The following PIK3R3 variants were observed in gnomAD, a reference collection of about 807,000 sequenced individuals.
PIK3R3 encodes the protein phosphatidylinositol 3-kinase regulatory subunit gamma.
In PIK3R3, 64 loss-of-function variants were observed where a neutral mutation model predicts 62.9. The ratio of observed to expected loss-of-function variants is 1.02; its 90% confidence interval spans 0.83 to 1.25. The LOEUF (loss-of-function observed/expected upper bound fraction) is 1.25, where lower values mean the gene tolerates loss of function less well. PIK3R3 is among the 50% of genes most tolerant of loss of function. The pLI is 0.00. For missense variants in PIK3R3, 614 were observed against 561.6 expected, an observed-to-expected ratio of 1.09 and a Z score of -0.94; for synonymous variants, 165 against 189.0, an observed-to-expected ratio of 0.87 and a Z score of 1.04.
intron 7 of PIK3R3, among the ~76,000 whole-genome samples, chr1:46,052,248 G>A (rs904224416): frequency 6.6e-6 from 1 of 152,132 alleles, no homozygotes; most frequent in Non-Finnish European, 1.5e-5. Flanking sequence ...TTATTGTGCT[G>A]TATTCACCTA....
chr1:46,130,258 TTAACCTTACTTTTTACAATAAAAG>T (rs1655461734), intron 1 of PIK3R3, among the ~76,000 whole-genome samples: 2 of 152,226 alleles, frequency 1.3e-5, no homozygotes, highest in Non-Finnish European at 2.9e-5. Flanking sequence ...TCTAGAATTA[TTAACCTTACTTTTTACAATAAAAG>T]TACCAGTGAT....
At position 46,043,459 on chromosome 1, in the gene PIK3R3, G is replaced by A. The variant is rs994269715; in HGVS notation, c.*214C>T. On this transcript the variant is annotated 3_prime_UTR_variant, in exon 10 of 10. Coordinates refer to ENST00000262741, the MANE Select transcript of PIK3R3 (RefSeq NM_003629.4). ...AAAAAAAACATCTGCTTCCAGCTTAGTATGTCAGTGCAGCGGCATGGCTGA... is the reference window on the plus strand; with the variant it reads ...AAAAAAAACATCTGCTTCCAGCTTAATATGTCAGTGCAGCGGCATGGCTGA... 5.3e-6 allele frequency: 3 copies of A among 563,066 alleles called. No homozygotes were observed. The highest frequency in any genetic ancestry group is 1.9e-5 in the African/African-American group (1 of 53,242). The allele number at this position is 563,066 out of a possible 1,614,324, so 34.9% of individuals were successfully genotyped here.
At chr1:46,159,562 T>G in the PIK3R3 span, among the ~76,000 whole-genome samples, 1 of 152,118 alleles carries the variant, frequency 6.6e-6, no homozygotes, top group African/African-American at 2.4e-5. Context: ...TTCCCAAAGA[T>G]TCCCCAAAAT....
intron 1 of PIK3R3, among the ~76,000 whole-genome samples, chr1:46,119,618 GTTACT>G (rs1231002651): frequency 2.6e-5 from 4 of 151,934 alleles, no homozygotes; most frequent in African/African-American, 4.8e-5. Context: ...TAATCTACAG[GTTACT>G]TTAAAGTAGT....
At chr1:46,067,713 C>A (rs1181455451) in intron 3 of PIK3R3, among the ~76,000 whole-genome samples, 1 of 152,180 alleles carries the variant, frequency 6.6e-6, no homozygotes, top group Non-Finnish European at 1.5e-5. Flanking sequence ...TCAGAAATGA[C>A]TGTTCAGGCA....
At chr1:46,061,663 G>A (rs1327611915) in intron 6 of PIK3R3, among the ~76,000 whole-genome samples, 1 of 152,148 alleles carries the variant, frequency 6.6e-6, no homozygotes, top group Non-Finnish European at 1.5e-5. Flanking sequence ...CCCTAAATTG[G>A]TCTCCGGAAT....
upstream of PIK3R3, among the ~76,000 whole-genome samples, chr1:46,135,238 A>G (rs572824243): frequency 3.3e-5 from 5 of 152,300 alleles, no homozygotes; most frequent in South Asian, 1.0e-3. Flanking sequence ...TTGGAGAATT[A>G]TATTTGACCT....
At chr1:46,124,516 G>T (rs192691376) in intron 1 of PIK3R3, among the ~76,000 whole-genome samples, 57 of 152,322 alleles carry the variant, frequency 3.7e-4, no homozygotes, top group Admixed American at 2.5e-3. Context: ...TTCATGATCA[G>T]CTGGGTGCAG....
chr1:46,148,416 C>G, the PIK3R3 span, among the ~76,000 whole-genome samples: 3 of 152,204 alleles, frequency 2.0e-5, no homozygotes, highest in Non-Finnish European at 2.9e-5. Flanking sequence ...TCAGGCAGTT[C>G]CAGGGTTACA....
chr1:46,144,169 C>A, the PIK3R3 span, among the ~76,000 whole-genome samples: 75 of 152,284 alleles, frequency 4.9e-4, no homozygotes, highest in Non-Finnish European at 8.7e-4. Flanking sequence ...AACACGGAAT[C>A]AATCTCTGGA....
In PIK3R3 at chr1:46,042,056, C is replaced by CTG. The variant is rs1487796803; in HGVS notation, c.*1615_*1616dup. On this transcript the variant is annotated 3_prime_UTR_variant, in exon 10 of 10. Coordinates refer to ENST00000262741, the MANE Select transcript of PIK3R3 (RefSeq NM_003629.4). The surrounding 1 kb of genome is among the most constrained non-coding windows in gnomAD (Gnocchi z 4.3). Reference sequence around the variant, plus strand: ...GGCTTCTCTAGCTCAGCCAGGGTGCCTGACTGCACAGCTTTGGGTTCAAAC... The same window carrying CTG: ...GGCTTCTCTAGCTCAGCCAGGGTGCCTGTGACTGCACAGCTTTGGGTTCAAAC... 6 of 222,940 alleles carry CTG rather than the reference C, an allele frequency of 2.7e-5. No homozygotes were observed. The highest frequency in any genetic ancestry group is 5.4e-5 in the Non-Finnish European group (6 of 111,622). The allele number at this position is 222,940 out of a possible 1,614,324, so 13.8% of individuals were successfully genotyped here.
At chr1:46,083,389 T>G (rs939710200) in intron 1 of PIK3R3, among the ~76,000 whole-genome samples, 1 of 152,046 alleles carries the variant, frequency 6.6e-6, no homozygotes, top group Non-Finnish European at 1.5e-5. Context: ...AAGAAAAAAA[T>G]AGATTAACTG....
At chr1:46,053,635 C>T (rs989363848) in intron 7 of PIK3R3, among the ~76,000 whole-genome samples, 6 of 152,128 alleles carry the variant, frequency 3.9e-5, no homozygotes, top group African/African-American at 1.4e-4. Context: ...CACCCCTCAC[C>T]AGACACCAAA....
At chr1:46,052,353 A>G (rs1020476420) in intron 7 of PIK3R3, among the ~76,000 whole-genome samples, 1 of 152,190 alleles carries the variant, frequency 6.6e-6, no homozygotes, top group South Asian at 2.1e-4. Flanking sequence ...ATACCAAAAA[A>G]GGTAAATGGT....
rs1647121087 is a variant in PIK3R3, at chr1:46,046,520, C to T, written c.1016+31G>A. ...GCATGTCTTATATTGATAACAAAGC[C>T]CTCTGACAGAAAGGTATAGAGAGAA... On this transcript the variant is annotated intron_variant, in intron 8 of 9. Transcript: ENST00000262741. 5.6e-6 allele frequency: 8 copies of T among 1,419,462 alleles called. No individual in the cohort carries two copies. The East Asian group carries it at 1.6e-4, about 28-fold the overall frequency. 87.9% of individuals were successfully genotyped at this position (1,419,462 alleles called of 1,614,324 possible). A position where few individuals can be genotyped will look rare whatever the true frequency, so the allele number is the denominator to read the frequency against.
At chr1:46,046,646 G>C (rs754372669) in intron 7 of PIK3R3, 21 bp from the exon 8 acceptor site, 1 of 1,568,334 alleles carries the variant, frequency 6.4e-7, no homozygotes, top group East Asian at 2.2e-5. Context: ...AAAGACACCA[G>C]TGTCAGTATC....
chr1:46,126,972 T>C (rs1655148515), intron 1 of PIK3R3, among the ~76,000 whole-genome samples: 2 of 152,166 alleles, frequency 1.3e-5, no homozygotes, highest in South Asian at 4.1e-4. Flanking sequence ...TAGACTTTCC[T>C]ATATTCATGT....
the PIK3R3 span, among the ~76,000 whole-genome samples, chr1:46,162,246 G>C: frequency 6.6e-6 from 1 of 152,164 alleles, no homozygotes; most frequent in Admixed American, 6.5e-5. Context: ...CACTTTGGGA[G>C]GCCCAGGTGG....
At chr1:46,079,483 T>C (rs554910091) in intron 2 of PIK3R3, among the ~76,000 whole-genome samples, 2 of 152,302 alleles carry the variant, frequency 1.3e-5, no homozygotes, top group Non-Finnish European at 2.9e-5. Context: ...CAATTGATTT[T>C]TGTGCATGCA....
Sources: allele counts gnomAD v4.1 joint callset (sites outside exome capture counted in the v4.1 genomes callset), GRCh38; gene constraint gnomAD v4.1.1; non-coding constraint Gnocchi (gnomAD v3.1); transcripts MANE v1.5; gene names NCBI Gene and HGNC (gene_info 2026-07-23, HGNC 2026-07-21).